The following WWOX variants were observed in gnomAD, a reference collection of about 807,000 sequenced individuals.
WWOX encodes WW domain-containing oxidoreductase.
WWOX carries 69 observed loss-of-function variants against 46.2 expected under a neutral mutation model. The ratio of observed to expected loss-of-function variants is 1.49; its 90% CI spans 1.23 to 1.82. The LOEUF (loss-of-function observed/expected upper bound fraction) is 1.82, where lower values mean the gene tolerates loss of function less well. WWOX is among the 40% of genes most tolerant of loss of function. WWOX has a pLI of 0.00. For synonymous variants in WWOX, 359 were observed against 202.6 expected (o/e 1.77, Z -6.56); for missense variants, 919 against 542.6 (o/e 1.69, Z -6.89).
At position 79,125,906 on chromosome 16, in the gene WWOX, A is replaced by G. The variant is rs181973547; in HGVS notation, c.1057-85702A>G. Among the ~76,000 whole-genome samples the G allele has an allele frequency of 1.5e-3, 232 of 152,248 alleles. 1 individual carries two copies. The highest frequency in any genetic ancestry group is 5.3e-3 in the African/African-American group (222 of 41,548). On this transcript the variant is annotated intron_variant, in intron 8 of 8. Coordinates refer to ENST00000566780, the MANE Select transcript of WWOX (RefSeq NM_016373.4). ...TCGTCGAAGGCGTGGTTTCTTTACT[A>G]TCTGTCTTCTCCAGGAGACTGTCAT...
chr16:78,438,137 A>G (rs1356060068), intron 8 of WWOX, among the ~76,000 whole-genome samples: 1 of 152,224 alleles, frequency 6.6e-6, no homozygotes, highest in East Asian at 1.9e-4. Context: ...ATTTTCCCAG[A>G]TACCACGATG....
intron 5 of WWOX, among the ~76,000 whole-genome samples, chr16:78,289,821 C>T (rs895040111): frequency 3.3e-5 from 5 of 151,974 alleles, no homozygotes; most frequent in African/African-American, 7.3e-5. Flanking sequence ...TAGAGAGAAA[C>T]GCCGTTTGCT....
chr16:78,809,263 AT>A (rs1238664940), intron 8 of WWOX, among the ~76,000 whole-genome samples: 1 of 146,566 alleles, frequency 6.8e-6, no homozygotes, highest in Non-Finnish European at 1.5e-5. Context: ...TAGAAGTTAG[AT>A]TTTTTTAGGG....
At chr16:78,788,759 G>T (rs1439900045) in intron 8 of WWOX, among the ~76,000 whole-genome samples, 1 of 152,172 alleles carries the variant, frequency 6.6e-6, no homozygotes, top group Non-Finnish European at 1.5e-5. Flanking sequence ...TCCACCTGAA[G>T]CCCCTCAGCC....
At chr16:78,605,205 A>G (rs2045726232) in intron 8 of WWOX, among the ~76,000 whole-genome samples, 1 of 150,902 alleles carries the variant, frequency 6.6e-6, no homozygotes, top group Non-Finnish European at 1.5e-5. Context: ...TTGCCACTTC[A>G]TGATATTTGA....
intron 8 of WWOX, among the ~76,000 whole-genome samples, chr16:79,088,434 C>G (rs2048893087): frequency 6.6e-6 from 1 of 152,160 alleles, no homozygotes; most frequent in Non-Finnish European, 1.5e-5. Flanking sequence ...TGGCCCTGAG[C>G]CGTGGGCAGC....
At chr16:78,277,291 G>T (rs1194128949) in intron 5 of WWOX, among the ~76,000 whole-genome samples, 1 of 152,100 alleles carries the variant, frequency 6.6e-6, no homozygotes, top group East Asian at 1.9e-4. Context: ...TAGATTTTTG[G>T]CCAGGTTTGT....
intron 8 of WWOX, among the ~76,000 whole-genome samples, chr16:78,933,710 A>T (rs534843690): frequency 6.6e-6 from 1 of 151,500 alleles, no homozygotes; most frequent in South Asian, 2.1e-4. Flanking sequence ...GTGTAGGGAA[A>T]CTCCTGTTTT....
At chr16:78,735,011 C>A (rs2049053383) in intron 8 of WWOX, among the ~76,000 whole-genome samples, 1 of 151,342 alleles carries the variant, frequency 6.6e-6, no homozygotes, top group Non-Finnish European at 1.5e-5. Context: ...GGATTACAGG[C>A]ACCCACCATC....
At chr16:78,645,914 G>A (rs1026181856) in intron 8 of WWOX, among the ~76,000 whole-genome samples, 2 of 152,094 alleles carry the variant, frequency 1.3e-5, no homozygotes, top group Non-Finnish European at 2.9e-5. Context: ...TCCTTGGCTG[G>A]TGGCCACATC....
intron 8 of WWOX, among the ~76,000 whole-genome samples, chr16:78,601,373 A>G (rs2045618103): frequency 6.6e-6 from 1 of 152,004 alleles, no homozygotes; most frequent in Non-Finnish European, 1.5e-5. Flanking sequence ...GAAACGGGTA[A>G]GACAGAGGAG....
At chr16:78,668,607 T>C (rs770843752) in intron 8 of WWOX, among the ~76,000 whole-genome samples, 23 of 152,152 alleles carry the variant, frequency 1.5e-4, no homozygotes, top group African/African-American at 5.1e-4. Flanking sequence ...GGAGTTGTTA[T>C]CTGCGGGGAA....
At chr16:78,783,138 A>G (rs879573591) in intron 8 of WWOX, among the ~76,000 whole-genome samples, 1 of 152,258 alleles carries the variant, frequency 6.6e-6, no homozygotes, top group Non-Finnish European at 1.5e-5. Context: ...AAAACAAAAC[A>G]AAAGCACATC....
chr16:78,149,483 G>A (rs1245787444), intron 4 of WWOX, among the ~76,000 whole-genome samples: 1 of 152,210 alleles, frequency 6.6e-6, no homozygotes, highest in Non-Finnish European at 1.5e-5. Flanking sequence ...ATTTGCCAAT[G>A]CATCACTGTC....
At chr16:78,234,371 A>G (rs9938856) in intron 5 of WWOX, among the ~76,000 whole-genome samples, 80,539 of 151,790 alleles carry the variant, frequency 0.53, 21,773 homozygotes, top group Admixed American at 0.67. Context: ...GATATATCAT[A>G]TGAATATACT....
chr16:79,185,957 T>C (rs2051005742), intron 8 of WWOX, among the ~76,000 whole-genome samples: 1 of 151,682 alleles, frequency 6.6e-6, no homozygotes, highest in African/African-American at 2.4e-5. Context: ...TGTGTGTGTG[T>C]GTGTGCATGC....
chr16:78,911,611 A>T (rs1021695807), intron 8 of WWOX, among the ~76,000 whole-genome samples: 1 of 152,068 alleles, frequency 6.6e-6, no homozygotes, highest in Non-Finnish European at 1.5e-5. Flanking sequence ...CACACCTGTA[A>T]TCCCAACACT....
At chr16:78,941,732 G>T (rs772245104) in intron 8 of WWOX, among the ~76,000 whole-genome samples, 18 of 152,244 alleles carry the variant, frequency 1.2e-4, no homozygotes, top group Non-Finnish European at 2.2e-4. Flanking sequence ...GGTTTGAAAA[G>T]GCAGTTAATC....
In WWOX at chr16:79,165,624, A is replaced by G. The variant is rs73582748; in HGVS notation, c.1057-45984A>G. Among the ~76,000 whole-genome samples the G allele has an allele frequency of 2.9e-3, 448 of 152,124 alleles. 2 individuals carry two copies. The highest frequency in any genetic ancestry group is 0.01 in the African/African-American group (418 of 41,480). On this transcript the variant is annotated intron_variant, in intron 8 of 8. Coordinates refer to ENST00000566780, the MANE Select transcript of WWOX (RefSeq NM_016373.4). ...AGGCAGTGAAAGCGTGCTTCTCAGG[A>G]CTCATTGTCCAGAAGATTCTGCCTA...
Sources: gnomAD v4.1 joint callset for allele counts (sites outside exome capture counted in the v4.1 genomes callset) on GRCh38, gnomAD v4.1.1 for gene constraint, MANE v1.5 for transcripts, NCBI Gene and HGNC (gene_info 2026-07-23, HGNC 2026-07-21) for gene names.